TPRA1: variants seen among roughly 807,000 people sequenced by gnomAD.
The protein encoded by TPRA1 is transmembrane protein adipocyte associated 1, also known as transmembrane protein adipocyte-associated 1.
In TPRA1, 28 loss-of-function variants were observed where a neutral mutation model predicts 40.1. That is an observed-to-expected ratio of 0.70 (90% CI 0.52 to 0.96). The LOEUF is 0.96. TPRA1 is among the 40% of genes least tolerant of loss of function. TPRA1 has a pLI of 0.00. For synonymous variants in TPRA1, 219 were observed against 209.7 expected (o/e 1.04, Z -0.38); for missense variants, 441 against 482.6 (o/e 0.91, Z 0.81).
upstream of TPRA1, among the ~76,000 whole-genome samples, chr3:127,593,828 A>G (rs2074215726): frequency 6.6e-6 from 1 of 152,208 alleles, no homozygotes; most frequent in South Asian, 2.1e-4. Context: ...CCCGCTTCTC[A>G]GGGGCCATCT....
At chr3:127,577,803 G>C (rs997151544) in intron 3 of TPRA1, among the ~76,000 whole-genome samples, 2 of 152,230 alleles carry the variant, frequency 1.3e-5, no homozygotes, top group African/African-American at 4.8e-5. Context: ...CTGGGACGCA[G>C]CACTGGCCAG....
intron 1 of TPRA1, 144 bp from the exon 2 acceptor site, chr3:127,580,307 G>T: frequency 1.1e-6 from 1 of 931,274 alleles, no homozygotes; most frequent in Non-Finnish European, 1.6e-6. Context: ...GCAGCTCAGT[G>T]TGGGGCTCCA....
In TPRA1 at chr3:127,588,810, C is replaced by T. The variant is rs143996716; in HGVS notation, c.-18+1600G>A. 4.8e-4 allele frequency among the ~76,000 whole-genome samples: 73 copies of T among 152,340 alleles called. 1 individual carries two copies. The East Asian group carries it at 0.013, about 27-fold the overall frequency. Reference sequence around the variant, plus strand: ...CACGTGGTGACACACTTAACAATGGCATCGCCTTCTAAGGGAGAGAGGACA... The same window carrying T: ...CACGTGGTGACACACTTAACAATGGTATCGCCTTCTAAGGGAGAGAGGACA... On this transcript the variant is annotated intron_variant, in intron 1 of 10. Coordinates refer to ENST00000355552, the MANE Select transcript of TPRA1 (RefSeq NM_001136053.4).
At chr3:127,591,916 T>A (rs183872132), upstream of TPRA1, 2 of 152,296 alleles carry the variant, frequency 1.3e-5, no homozygotes, top group East Asian at 3.9e-4. Context: ...TGGGCTGGAA[T>A]GAGATTGGGT....
intron 1 of TPRA1, among the ~76,000 whole-genome samples, chr3:127,581,950 A>T (rs986261218): frequency 2.0e-5 from 3 of 151,768 alleles, no homozygotes; most frequent in African/African-American, 7.3e-5. Flanking sequence ...AAAAGAAAAA[A>T]GATTTGTCCC....
chr3:127,581,772 A>T (rs1384338710), intron 1 of TPRA1, among the ~76,000 whole-genome samples: 1 of 151,526 alleles, frequency 6.6e-6, no homozygotes, highest in African/African-American at 2.4e-5. Flanking sequence ...AAAAAAAAAA[A>T]TTAGTTGGGC....
At chr3:127,580,874 G>A (rs953958986) in intron 1 of TPRA1, among the ~76,000 whole-genome samples, 5 of 152,238 alleles carry the variant, frequency 3.3e-5, no homozygotes, top group Admixed American at 1.3e-4. Context: ...GGAAGAGGCT[G>A]TACCACAGAG....
In TPRA1 at chr3:127,575,164, C is replaced by T. The variant is rs57256733; in HGVS notation, c.854+21G>A. On this transcript the variant is annotated intron_variant, in intron 10 of 10. Coordinates refer to ENST00000355552, the MANE Select transcript of TPRA1 (RefSeq NM_001136053.4). ...AGTTCCGCCGGCAGCCACGCGGGGG[C>T]GCCGGCGGCCACAGACTCACCCGAA... The T allele has an allele frequency of 3.5e-3, 5,667 of 1,610,614 alleles. 102 individuals are homozygous for T. The African/African-American group carries it at 0.042, about 12-fold the overall frequency.
intron 3 of TPRA1, among the ~76,000 whole-genome samples, chr3:127,577,404 G>A (rs1017102360): frequency 1.3e-5 from 2 of 152,314 alleles, no homozygotes; most frequent in South Asian, 2.1e-4. Flanking sequence ...CAAGCAGCAC[G>A]CTGCTGCTTC....
chr3:127,580,604 G>A (rs1223761088), intron 1 of TPRA1, among the ~76,000 whole-genome samples: 1 of 152,218 alleles, frequency 6.6e-6, no homozygotes, highest in African/African-American at 2.4e-5. Flanking sequence ...GTGATGCCGA[G>A]TGCCTCAAAC....
At chr3:127,574,436 T>C (rs933677062) in intron 10 of TPRA1, among the ~76,000 whole-genome samples, 2 of 152,168 alleles carry the variant, frequency 1.3e-5, no homozygotes, top group African/African-American at 4.8e-5. Context: ...CCCAATCCCA[T>C]GTCTTCAGCA....
rs1175977064 is a variant in TPRA1, at chr3:127,575,392, C to G, written c.773+11G>C. ...CCCCCACGAGGCAGACACCCTGCGG[C>G]CCCCACGCACCAGAGCCCCTCGATG... On this transcript the variant is annotated intron_variant, in intron 9 of 10. Transcript: ENST00000355552. The G allele has an allele frequency of 1.3e-6, 2 of 1,574,116 alleles. No individual in the cohort carries two copies. Among genetic ancestry groups the G allele is most frequent in the Non-Finnish European group, 1.7e-6 (2 of 1,159,960 alleles).
chr3:127,596,571 A>G (rs1277314669), intron 1 of TPRA1, among the ~76,000 whole-genome samples: 2 of 152,098 alleles, frequency 1.3e-5, no homozygotes, highest in Non-Finnish European at 2.9e-5. Context: ...GGATTATACA[A>G]CCACTCCCAA....
Position 127,579,806 on chromosome 3 carries a change from C to T in TPRA1, c.192G>A (p.Lys64=). ...NVLFLIFLLW[K]LPSARAKIRI... ...GGATCTTCGCCCGAGCAGATGGAAG[C>T]TTCCAGAGCAGGAAGATGAGGAAGA... is the stretch of plus-strand genomic sequence containing the variant. Residue 64 remains lysine, a synonymous_variant, in exon 3 of 11, where the codon AAG becomes AAA. Transcript: ENST00000355552. 6.2e-7 allele frequency: 1 copy of T among 1,614,076 alleles called. No homozygotes were observed. Among genetic ancestry groups the T allele is most frequent in the Non-Finnish European group, 8.5e-7 (1 of 1,180,032 alleles).
At chr3:127,583,572 T>C (rs946614719) in intron 1 of TPRA1, among the ~76,000 whole-genome samples, 4 of 152,048 alleles carry the variant, frequency 2.6e-5, no homozygotes, top group Non-Finnish European at 5.9e-5. Context: ...TGGGGAATAT[T>C]AAAGAGAACA....
intron 10 of TPRA1, 36 bp downstream of exon 10, chr3:127,575,149 G>A (rs1194218423): frequency 6.2e-7 from 1 of 1,605,804 alleles, no homozygotes; most frequent in Non-Finnish European, 8.5e-7. Flanking sequence ...AGTTCCGCCG[G>A]CAGCCACGCG....
chr3:127,590,288 C>T (rs1193969901), intron 1 of TPRA1, 122 bp downstream of exon 1: 3 of 152,274 alleles, frequency 2.0e-5, no homozygotes, highest in African/African-American at 7.2e-5. Context: ...CGAGCTGCGC[C>T]CGAGCGGAAA....
upstream of TPRA1, among the ~76,000 whole-genome samples, chr3:127,594,045 A>C (rs1206610923): frequency 6.6e-6 from 1 of 152,254 alleles, no homozygotes; most frequent in Non-Finnish European, 1.5e-5. Context: ...AGGATGGATG[A>C]GCAGGAGGTG....
At chr3:127,584,862 G>A (rs746827032) in intron 1 of TPRA1, among the ~76,000 whole-genome samples, 1 of 152,080 alleles carries the variant, frequency 6.6e-6, no homozygotes, top group Non-Finnish European at 1.5e-5. Flanking sequence ...GACACGAGCA[G>A]AGTGAGGTCT....
Sources: allele counts gnomAD v4.1 joint callset (sites outside exome capture counted in the v4.1 genomes callset), GRCh38; gene constraint gnomAD v4.1.1; transcripts MANE v1.5; gene names NCBI Gene and HGNC (gene_info 2026-07-23, HGNC 2026-07-21).